RYR3: variants seen among roughly 807,000 people sequenced by gnomAD.
The protein encoded by RYR3 is brain ryanodine receptor-calcium release channel.
A neutral mutation model predicts 584.3 loss-of-function variants in RYR3; 207 were observed. That is an observed-to-expected ratio of 0.35 (90% CI 0.32 to 0.40). RYR3 has a LOEUF of 0.40. RYR3 is among the 10% of genes least tolerant of loss of function. The probability of loss-of-function intolerance (pLI) is 1.00; values close to 1 mark genes in which losing one functional copy is unlikely to be tolerated. For synonymous variants in RYR3, 2,416 were observed against 2,248.5 expected (o/e 1.07, Z -2.11); for missense variants, 5,616 against 6,089.2 (o/e 0.92, Z 2.59).
chr15:33,524,109 A>G (rs926924289), intron 3 of RYR3, among the ~76,000 whole-genome samples: 1 of 152,194 alleles, frequency 6.6e-6, no homozygotes, highest in Non-Finnish European at 1.5e-5. Context: ...ATGTTGTTGC[A>G]CTACCCCCCT....
chr15:33,496,265 A>G (rs2051411168), intron 2 of RYR3, among the ~76,000 whole-genome samples: 2 of 152,174 alleles, frequency 1.3e-5, no homozygotes, highest in Admixed American at 1.3e-4. Flanking sequence ...GCCACTGGGG[A>G]CCGAGTTCAT....
At position 33,865,246 on chromosome 15, in the gene RYR3, G is replaced by C. The variant is rs117474814; in HGVS notation, c.*20G>C. The C allele has an allele frequency of 0.038, 57,973 of 1,542,008 alleles. 1,426 individuals are homozygous for C. Among genetic ancestry groups the C allele is most frequent in the Non-Finnish European group, 0.04 (44,488 of 1,116,352 alleles). ...GGATAAATCTGAATCAAAGAAGCGC[G>C]ACAATTCTGGACAGTCAACTTCCCA... On this transcript the variant is annotated 3_prime_UTR_variant, in exon 104 of 104. Transcript: ENST00000634891.
intron 19 of RYR3, among the ~76,000 whole-genome samples, chr15:33,614,910 T>C (rs2060374715): frequency 6.6e-6 from 1 of 152,192 alleles, no homozygotes. Context: ...TATACACAGT[T>C]AAATATTGTT....
chr15:33,611,741 C>T (rs2060200123), intron 18 of RYR3, among the ~76,000 whole-genome samples: 1 of 152,088 alleles, frequency 6.6e-6, no homozygotes, highest in African/African-American at 2.4e-5. Context: ...TCACCTCAGC[C>T]TCCACCTCTT....
At chr15:33,341,300 A>G (rs1473039767) in intron 1 of RYR3, among the ~76,000 whole-genome samples, 4 of 151,800 alleles carry the variant, frequency 2.6e-5, no homozygotes, top group African/African-American at 7.3e-5. Flanking sequence ...CAGCCTCCCA[A>G]AGTGCTGGGA....
chr15:33,367,892 A>G (rs1214678805), intron 1 of RYR3, among the ~76,000 whole-genome samples: 3 of 152,354 alleles, frequency 2.0e-5, no homozygotes, highest in East Asian at 3.9e-4. Context: ...TATTGCAGAG[A>G]TAACTTACTT....
chr15:33,363,270 G>A lies in RYR3; in HGVS notation c.51+52174G>A, dbSNP rs1975024139. On this transcript the variant is annotated intron_variant, in intron 1 of 103. Transcript: ENST00000634891. ...CCTGTGCTCCAAAATTTCCCTCTTAGCCTCTCCCTCCCTCACTCCAACTAA... is the reference window on the plus strand; with the variant it reads ...CCTGTGCTCCAAAATTTCCCTCTTAACCTCTCCCTCCCTCACTCCAACTAA... 3.3e-5 allele frequency among the ~76,000 whole-genome samples: 5 copies of A among 151,984 alleles called. No individual in the cohort carries two copies. In the South Asian group the frequency reaches 1.0e-3, roughly 32 times the overall value.
intron 49 of RYR3, 43 bp from the exon 50 acceptor site, chr15:33,738,407 C>A: frequency 6.4e-7 from 1 of 1,574,434 alleles, no homozygotes. Flanking sequence ...TGTGGACTTT[C>A]TCTATGCCAC....
At chr15:33,465,856 A>G (rs1038732698) in intron 1 of RYR3, 1 of 511,598 alleles carries the variant, frequency 2.0e-6, no homozygotes, top group Non-Finnish European at 3.9e-6. Context: ...AAGGAATCAC[A>G]TGACCTCAAG....
At chr15:33,376,537 A>T (rs2040755300) in intron 1 of RYR3, among the ~76,000 whole-genome samples, 2 of 152,202 alleles carry the variant, frequency 1.3e-5, no homozygotes, top group Non-Finnish European at 2.9e-5. Context: ...TTGACTAGTC[A>T]TTGGATGAGG....
chr15:33,385,576 G>A (rs565608749), intron 1 of RYR3, among the ~76,000 whole-genome samples: 1 of 152,212 alleles, frequency 6.6e-6, no homozygotes, highest in African/African-American at 2.4e-5. Context: ...AATCTGAATG[G>A]TAAAGCTAAA....
chr15:33,747,837 A>G (rs12594718), intron 53 of RYR3, among the ~76,000 whole-genome samples: 101,927 of 152,084 alleles, frequency 0.67, 34,482 homozygotes, highest in East Asian at 0.87. Flanking sequence ...CCACTCTCCC[A>G]TTCCTGTTCT....
At chr15:33,640,815 T>C (rs1336095441) in intron 27 of RYR3, among the ~76,000 whole-genome samples, 1 of 152,178 alleles carries the variant, frequency 6.6e-6, no homozygotes, top group Non-Finnish European at 1.5e-5. Flanking sequence ...CTCTTCAGAG[T>C]TGTCAGCATA....
intron 18 of RYR3, among the ~76,000 whole-genome samples, chr15:33,611,740 C>T (rs1412572961): frequency 6.6e-6 from 1 of 152,098 alleles, no homozygotes; most frequent in Non-Finnish European, 1.5e-5. Context: ...CTCACCTCAG[C>T]CTCCACCTCT....
At chr15:33,727,508 G>C (rs1018976816) in intron 46 of RYR3, among the ~76,000 whole-genome samples, 1 of 152,164 alleles carries the variant, frequency 6.6e-6, no homozygotes, top group Non-Finnish European at 1.5e-5. Context: ...GAAAACTTAA[G>C]ATAAAGCAAA....
rs763674138 is a variant in RYR3, at chr15:33,841,950, G to A, written c.13124G>A (p.Arg4375Gln). ...LWTEVTKKKK[R>Q]RCGQKVEKPE... ...ACAGAAGTGACAAAAAAGAAGAAGC[G>A]GCGGTGTGGTCAGAAGGTTGAGAAG... The change falls in exon 91 of 104, where the codon CGG becomes CAG. Residue 4375 changes from arginine to glutamine, a missense_variant. Arg to Gln is a conservative substitution (Grantham distance 43, BLOSUM62 1). Transcript: ENST00000634891. The A allele has an allele frequency of 1.1e-5, 18 of 1,601,422 alleles. No individual in the cohort carries two copies. The highest frequency in any genetic ancestry group is 4.5e-5 in the East Asian group (2 of 44,574).
At chr15:33,406,718 G>T (rs2043045220) in intron 1 of RYR3, among the ~76,000 whole-genome samples, 1 of 152,154 alleles carries the variant, frequency 6.6e-6, no homozygotes, top group Non-Finnish European at 1.5e-5. Flanking sequence ...TCAGACAAGG[G>T]CTTGTTAGTC....
At chr15:33,611,354 A>G (rs1485854071) in intron 18 of RYR3, among the ~76,000 whole-genome samples, 1 of 152,080 alleles carries the variant, frequency 6.6e-6, no homozygotes, top group Non-Finnish European at 1.5e-5. Context: ...CAGGAGATCG[A>G]GACCATCCTG....
chr15:33,582,127 A>AGCTT (rs926001337), intron 14 of RYR3, among the ~76,000 whole-genome samples: 3 of 152,202 alleles, frequency 2.0e-5, no homozygotes, highest in Admixed American at 6.5e-5. Flanking sequence ...TCCAGCAACA[A>AGCTT]GCTTATCTTC....
Sources: allele counts gnomAD v4.1 joint callset (sites outside exome capture counted in the v4.1 genomes callset), GRCh38; gene constraint gnomAD v4.1.1; transcripts MANE v1.5; gene names NCBI Gene and HGNC (gene_info 2026-07-23, HGNC 2026-07-21).